HSP90AA1: variants seen among roughly 807,000 people sequenced by gnomAD.
The protein encoded by HSP90AA1 is heat shock protein HSP 90-alpha.
In HSP90AA1, 18 loss-of-function variants were observed where a neutral mutation model predicts 73.3. That is an observed-to-expected ratio of 0.25 (90% CI 0.17 to 0.36). The LOEUF is 0.36. HSP90AA1 is among the 10% of genes least tolerant of loss of function. HSP90AA1 has a pLI of 1.00. For synonymous variants in HSP90AA1, 477 were observed against 296.9 expected, an observed-to-expected ratio of 1.61 and a Z score of -6.24; for missense variants, 704 against 874.2, an observed-to-expected ratio of 0.81 and a Z score of 2.45.
At chr14:102,090,133 C>T (rs2049334474), upstream of HSP90AA1, among the ~76,000 whole-genome samples, 1 of 152,256 alleles carries the variant, frequency 6.6e-6, no homozygotes, top group South Asian at 2.1e-4. Flanking sequence ...ATTTCTGTGT[C>T]TGGCGCACTC....
chr14:102,083,996 T>G lies in HSP90AA1; in HGVS notation c.1148-13A>C, dbSNP rs180917872. 2.5e-6 allele frequency: 4 copies of G among 1,599,010 alleles called. No homozygotes were observed. In the South Asian group the frequency reaches 3.3e-5, roughly 13 times the overall value. On this transcript the variant is annotated splice_polypyrimidine_tract_variant and intron_variant, in intron 6 of 10. Transcript: ENST00000216281. ...CCTCTAATGAAGTCTGAAAAAAATA[T>G]AAACCAAATGCACTGAGTCATTCCA...
At chr14:102,126,475 G>C (rs1224890550) in intron 1 of HSP90AA1, among the ~76,000 whole-genome samples, 1 of 152,072 alleles carries the variant, frequency 6.6e-6, no homozygotes, top group Non-Finnish European at 1.5e-5. Flanking sequence ...CTCCTCTCAA[G>C]AAACTCGGAG....
exon 1 of HSP90AA1, chr14:102,139,606 G>A (rs1289828429): frequency 1.6e-5 from 11 of 666,800 alleles, no homozygotes; most frequent in Non-Finnish European, 2.5e-5. Context: ...GGCCCTGGCG[G>A]CTGCGGAACG....
intron 1 of HSP90AA1, among the ~76,000 whole-genome samples, chr14:102,116,564 C>T (rs1430842682): frequency 2.0e-5 from 3 of 152,194 alleles, no homozygotes; most frequent in Non-Finnish European, 4.4e-5. Context: ...TCAGGTGAGA[C>T]CTGTTCCCAG....
At chr14:102,105,381 A>AC (rs1279780342) in intron 1 of HSP90AA1, among the ~76,000 whole-genome samples, 2 of 152,120 alleles carry the variant, frequency 1.3e-5, no homozygotes, top group Non-Finnish European at 2.9e-5. Flanking sequence ...CTGATGTAAA[A>AC]TAGCCTCAGG....
intron 1 of HSP90AA1, among the ~76,000 whole-genome samples, chr14:102,131,679 T>A (rs2049908482): frequency 6.6e-6 from 1 of 152,190 alleles, no homozygotes; most frequent in South Asian, 2.1e-4. Flanking sequence ...TACAGAAATG[T>A]CACTGTCTCA....
chr14:102,082,580 T>C (rs1325973830), intron 9 of HSP90AA1, 136 bp from the exon 10 acceptor site: 1 of 715,458 alleles, frequency 1.4e-6, no homozygotes, highest in African/African-American at 1.8e-5. Context: ...AAATGTCGCA[T>C]TAGGTATCCA....
At chr14:102,106,802 C>G (rs1042063341) in intron 1 of HSP90AA1, among the ~76,000 whole-genome samples, 3 of 151,804 alleles carry the variant, frequency 2.0e-5, no homozygotes, top group Non-Finnish European at 4.4e-5. Flanking sequence ...CCTCGGCCTC[C>G]CAAAGTGCAA....
At chr14:102,134,751 G>A (rs1044157071) in intron 1 of HSP90AA1, among the ~76,000 whole-genome samples, 8 of 152,160 alleles carry the variant, frequency 5.3e-5, no homozygotes, top group Non-Finnish European at 2.9e-5. Context: ...AAGCAGTGTG[G>A]ACCCAAAGAG....
rs954116788 is a variant in HSP90AA1 at position 102,081,401 on chromosome 14, G to A, written c.*311C>T. 4.3e-6 allele frequency: 2 copies of A among 467,980 alleles called. No individual in the cohort carries two copies. Among genetic ancestry groups the A allele is most frequent in the Non-Finnish European group, 7.7e-6 (2 of 258,620 alleles). The allele number at this position is 467,980 out of a possible 1,614,324, so 29.0% of individuals were successfully genotyped here. On this transcript the variant is annotated 3_prime_UTR_variant, in exon 11 of 11. Transcript: ENST00000216281. ...TCAATAACAAGATTTGGTCTACTTA[G>A]GCATCCGGCTTGACAGCTAAACACT...
At chr14:102,086,467 GC>G in intron 1 of HSP90AA1, 89 bp from the exon 2 acceptor site, 1 of 1,442,672 alleles carries the variant, frequency 6.9e-7, no homozygotes, top group Non-Finnish European at 9.8e-7. Context: ...TATTTTTAAA[GC>G]CGAATTGGAG....
At chr14:102,120,362 C>T (rs1034270626) in intron 1 of HSP90AA1, among the ~76,000 whole-genome samples, 1 of 152,050 alleles carries the variant, frequency 6.6e-6, no homozygotes, top group Non-Finnish European at 1.5e-5. Flanking sequence ...CTGTCCCACC[C>T]TCCCCCACGA....
chr14:102,098,459 CTTTTTTTTTT>C (rs55683551), intron 2 of HSP90AA1, among the ~76,000 whole-genome samples: 2 of 75,464 alleles, frequency 2.7e-5, no homozygotes, highest in Non-Finnish European at 4.9e-5. Flanking sequence ...TGCACCTGGC[CTTTTTTTTTT>C]TTTTTTTTTT....
intron 2 of HSP90AA1, among the ~76,000 whole-genome samples, chr14:102,093,851 G>T (rs770112674): frequency 3.3e-5 from 5 of 152,178 alleles, no homozygotes; most frequent in African/African-American, 4.8e-5. Context: ...GCATGCACCT[G>T]TAATCCCAGC....
chr14:102,133,959 T>G (rs1309623162), intron 1 of HSP90AA1, among the ~76,000 whole-genome samples: 1 of 151,992 alleles, frequency 6.6e-6, no homozygotes, highest in Non-Finnish European at 1.5e-5. Context: ...GGGACCTGCC[T>G]GGCCAACATG....
chr14:102,098,639 T>G lies in HSP90AA1; in HGVS notation c.366+3236A>C, dbSNP rs553030752. 8.9e-4 allele frequency among the ~76,000 whole-genome samples: 135 copies of G among 152,170 alleles called. 2 individuals carry two copies. Among genetic ancestry groups the G allele is most frequent in the Middle Eastern group, 6.8e-3 (2 of 294 alleles). On this transcript the variant is annotated intron_variant, in intron 2 of 11. Coordinates refer to the HSP90AA1 transcript ENST00000334701. ...CCACCACACCCCGCTAATTTTTATA[T>G]TTTTAGTAGAGACAGGGTTTCACCA...
intron 1 of HSP90AA1, among the ~76,000 whole-genome samples, chr14:102,120,345 C>T (rs1014682190): frequency 1.3e-5 from 2 of 151,964 alleles, no homozygotes; most frequent in African/African-American, 2.4e-5. Flanking sequence ...GGTGATGAAG[C>T]GAGACCCTGT....
upstream of HSP90AA1, chr14:102,087,170 G>C (rs924284800): frequency 3.3e-4 from 324 of 982,866 alleles, no homozygotes; most frequent in Non-Finnish European, 3.7e-4. Flanking sequence ...GCGCGCCTAC[G>C]CATGCGCCGT....
At chr14:102,121,186 C>T (rs2049774766) in intron 1 of HSP90AA1, among the ~76,000 whole-genome samples, 1 of 151,982 alleles carries the variant, frequency 6.6e-6, no homozygotes, top group Non-Finnish European at 1.5e-5. Flanking sequence ...CAGGTGTGAG[C>T]CACCACACCA....
Sources: allele counts gnomAD v4.1 joint callset (sites outside exome capture counted in the v4.1 genomes callset), GRCh38; gene constraint gnomAD v4.1.1; transcripts MANE v1.5; gene names NCBI Gene and HGNC (gene_info 2026-07-23, HGNC 2026-07-21).